PPM1D: variants seen among roughly 807,000 people sequenced by gnomAD.
PPM1D encodes the protein protein phosphatase, Mg2+/Mn2+ dependent 1D.
PPM1D carries 52 observed loss-of-function variants against 58.3 expected under a neutral mutation model. The ratio of observed to expected loss-of-function variants is 0.89; its 90% CI spans 0.71 to 1.12. The LOEUF (loss-of-function observed/expected upper bound fraction) is 1.12, where lower values mean the gene tolerates loss of function less well. PPM1D is among the 50% of genes most tolerant of loss of function. The pLI is 0.00. For missense variants in PPM1D, 564 were observed against 777.2 expected, an observed-to-expected ratio of 0.73 and a Z score of 3.26; for synonymous variants, 278 against 285.1, an observed-to-expected ratio of 0.98 and a Z score of 0.25.
chr17:60,629,056 G>A (rs531448404), intron 2 of PPM1D, among the ~76,000 whole-genome samples: 22 of 152,258 alleles, frequency 1.4e-4, no homozygotes, highest in African/African-American at 5.3e-4. Context: ...CCCTTCTTTA[G>A]TGGGAAGATG....
At chr17:60,613,963 G>C (rs925807171) in intron 1 of PPM1D, among the ~76,000 whole-genome samples, 4 of 34,544 alleles carry the variant, frequency 1.2e-4, no homozygotes, top group African/African-American at 1.5e-4. Flanking sequence ...GCTCCACGGT[G>C]CCCGGTCCCG....
chr17:60,660,359 A>C (rs1406078411), intron 5 of PPM1D, among the ~76,000 whole-genome samples: 1 of 152,024 alleles, frequency 6.6e-6, no homozygotes, highest in Non-Finnish European at 1.5e-5. Context: ...AAACAAAAAA[A>C]CAGAGAAGTG....
Position 60,630,810 on chromosome 17 carries a change from C to G in PPM1D, c.702-3043C>G, listed in dbSNP as rs1213022866. Among the ~76,000 whole-genome samples, 13 of 152,248 alleles carry G rather than the reference C, an allele frequency of 8.5e-5. No homozygotes were observed. In the East Asian group the frequency reaches 2.5e-3, roughly 29 times the overall value. On this transcript the variant is annotated intron_variant, in intron 2 of 5. Transcript: ENST00000305921. Reference sequence around the variant, plus strand: ...TACTGTAAATTACTTAGGTACTAAGCCTTACCTTGTAAGGAGAAGGTTTAG... The same window carrying G: ...TACTGTAAATTACTTAGGTACTAAGGCTTACCTTGTAAGGAGAAGGTTTAG...
intron 1 of PPM1D, among the ~76,000 whole-genome samples, chr17:60,608,426 C>A (rs141319686): frequency 6.6e-6 from 1 of 152,132 alleles, no homozygotes; most frequent in African/African-American, 2.4e-5. Context: ...CTTTGGGAGG[C>A]CGAGGCAGGC....
chr17:60,605,354 C>A (rs562939784), intron 1 of PPM1D, among the ~76,000 whole-genome samples: 1 of 152,304 alleles, frequency 6.6e-6, no homozygotes, highest in African/African-American at 2.4e-5. Flanking sequence ...ATTACACAGA[C>A]CACTGGGAGA....
chr17:60,627,765 T>G (rs572079654), intron 2 of PPM1D, among the ~76,000 whole-genome samples: 12 of 152,130 alleles, frequency 7.9e-5, no homozygotes, highest in African/African-American at 4.8e-5. Flanking sequence ...TTGTCTTTGA[T>G]ACTGTTTCAA....
intron 1 of PPM1D, among the ~76,000 whole-genome samples, chr17:60,618,785 T>TA (rs2030636293): frequency 6.6e-6 from 1 of 152,218 alleles, no homozygotes; most frequent in Non-Finnish European, 1.5e-5. Flanking sequence ...TAGTTGCTTT[T>TA]AAAAAAGATG....
At chr17:60,639,526 C>T (rs2031093413) in intron 3 of PPM1D, among the ~76,000 whole-genome samples, 1 of 151,972 alleles carries the variant, frequency 6.6e-6, no homozygotes, top group Non-Finnish European at 1.5e-5. Context: ...CAGCCTCCGC[C>T]TTCCGGGTTC....
intron 3 of PPM1D, among the ~76,000 whole-genome samples, chr17:60,638,032 A>T (rs992661216): frequency 3.3e-5 from 5 of 152,232 alleles, no homozygotes; most frequent in African/African-American, 1.2e-4. Flanking sequence ...TTGGTGGAAT[A>T]GCAAGACCAC....
At chr17:60,657,474 AT>A (rs1360784248) in intron 5 of PPM1D, among the ~76,000 whole-genome samples, 38 of 152,326 alleles carry the variant, frequency 2.5e-4, no homozygotes, top group Admixed American at 1.4e-3. Flanking sequence ...GTATTGATTG[AT>A]AATTGCTTTA....
chr17:60,660,891 G>C (rs1343960050), intron 5 of PPM1D, among the ~76,000 whole-genome samples: 1 of 152,046 alleles, frequency 6.6e-6, no homozygotes, highest in Non-Finnish European at 1.5e-5. Flanking sequence ...CCTATGATAA[G>C]TATACTTTTA....
chr17:60,635,444 ACCTCAGGTGATCTGCCCGCCTTGG>A (rs2143678160), intron 3 of PPM1D, among the ~76,000 whole-genome samples: 1 of 152,112 alleles, frequency 6.6e-6, no homozygotes, highest in Admixed American at 6.5e-5. Flanking sequence ...TGAACTCCTG[ACCTCAGGTGATCTGCCCGCCTTGG>A]CCTCCCAAAG....
At chr17:60,657,648 A>G (rs1401963657) in intron 5 of PPM1D, among the ~76,000 whole-genome samples, 1 of 152,220 alleles carries the variant, frequency 6.6e-6, no homozygotes, top group Non-Finnish European at 1.5e-5. Context: ...AATACTTGGA[A>G]ATGGATTATT....
At chr17:60,617,190 T>G (rs1290803717) in intron 1 of PPM1D, among the ~76,000 whole-genome samples, 1 of 151,264 alleles carries the variant, frequency 6.6e-6, no homozygotes, top group Non-Finnish European at 1.5e-5. Context: ...TCTCCTGGCC[T>G]CAAGTGGTCC....
chr17:60,633,757 A>G (rs1287074196), intron 2 of PPM1D, 96 bp from the exon 3 acceptor site: 26 of 1,230,346 alleles, frequency 2.1e-5, no homozygotes, highest in Non-Finnish European at 2.8e-5. Context: ...TTTTGTAATA[A>G]TGTAGTCTTA....
At chr17:60,610,373 G>A (rs1047484470) in intron 1 of PPM1D, among the ~76,000 whole-genome samples, 5 of 152,034 alleles carry the variant, frequency 3.3e-5, no homozygotes, top group African/African-American at 4.8e-5. Context: ...GTTGACACAC[G>A]TAGCTCTAGT....
chr17:60,606,254 A>G (rs1399033696), intron 1 of PPM1D, among the ~76,000 whole-genome samples: 1 of 152,186 alleles, frequency 6.6e-6, no homozygotes. Flanking sequence ...ATCCCATCAT[A>G]TAGATGTATG....
Position 60,603,186 on chromosome 17 carries a change from T to C in PPM1D, c.472+2300T>C, listed in dbSNP as rs73990908. 5.1e-3 allele frequency among the ~76,000 whole-genome samples: 780 copies of C among 152,304 alleles called. 4 individuals carry two copies. The highest frequency in any genetic ancestry group is 0.018 in the African/African-American group (755 of 41,558). Reference sequence around the variant, plus strand: ...GAATTGAGCACCCTTTTTTCTACTTTTGTAGTGCTCATTGGATTGTAGTAA... The same window carrying C: ...GAATTGAGCACCCTTTTTTCTACTTCTGTAGTGCTCATTGGATTGTAGTAA... On this transcript the variant is annotated intron_variant, in intron 1 of 5. Transcript: ENST00000305921.
At chr17:60,622,670 TC>T (rs1370840927) in intron 1 of PPM1D, among the ~76,000 whole-genome samples, 2 of 152,240 alleles carry the variant, frequency 1.3e-5, no homozygotes, top group African/African-American at 4.8e-5. Flanking sequence ...AATAATCATA[TC>T]TGTCTCATAA....
Sources: allele counts gnomAD v4.1 joint callset (sites outside exome capture counted in the v4.1 genomes callset), GRCh38; gene constraint gnomAD v4.1.1; transcripts MANE v1.5; gene names NCBI Gene and HGNC (gene_info 2026-07-23, HGNC 2026-07-21).